Variants in SYAP1 observed in about 807,000 individuals in gnomAD.
SYAP1 encodes synapse associated protein 1, also known as synapse-associated protein 1.
Under a neutral mutation model 29.6 loss-of-function variants are expected in SYAP1, and 3 were observed. The ratio of observed to expected loss-of-function variants is 0.10; its 90% CI spans 0.05 to 0.26. SYAP1 has a LOEUF of 0.26. Ranked by LOEUF, SYAP1 falls within the 10% of genes least tolerant of loss-of-function variation. SYAP1 has a pLI of 1.00. For missense variants in SYAP1, 217 were observed against 264.1 expected, an observed-to-expected ratio of 0.82 and a Z score of 1.24; for synonymous variants, 102 against 102.7, an observed-to-expected ratio of 0.99 and a Z score of 0.04.
chrX:16,752,043 G>A (rs1005119276), intron 5 of SYAP1, among the ~76,000 whole-genome samples: 4 of 96,132 alleles, frequency 4.2e-5, no homozygotes, highest in East Asian at 6.5e-4. Flanking sequence ...GCAGTGGTGC[G>A]ATCTTGGCTC....
chrX:16,754,620 C>G (rs761079192), intron 5 of SYAP1, among the ~76,000 whole-genome samples: 1 of 110,275 alleles, frequency 9.1e-6, no homozygotes, highest in Non-Finnish European at 1.9e-5. Context: ...CCCAGCAACT[C>G]GGGAGGCTGA....
chrX:16,757,101 A>C, intron 7 of SYAP1, 61 bp from the exon 8 acceptor site: 1 of 1,167,613 alleles, frequency 8.6e-7, no homozygotes. Flanking sequence ...ACAATAGCAA[A>C]CCAGAATAAC....
intron 4 of SYAP1, 124 bp from the exon 5 acceptor site, chrX:16,743,577 T>G (rs1302010468): frequency 1.7e-6 from 1 of 591,686 alleles, no homozygotes; most frequent in Non-Finnish European, 2.5e-6. Flanking sequence ...GAGGTTGCAG[T>G]GAGCCGAGAT....
At position 16,735,364 on chromosome X, in the gene SYAP1, T is replaced by C; in HGVS notation, c.294+19T>C. 1.0e-6 allele frequency: 1 copy of C among 1,003,424 alleles called. No homozygotes were observed. The highest frequency in any genetic ancestry group is 1.4e-6 in the Non-Finnish European group (1 of 726,117). 82.7% of individuals were successfully genotyped at this position (1,003,424 alleles called of 1,213,427 possible). A position where few individuals can be genotyped will look rare whatever the true frequency, so the allele number is the denominator to read the frequency against. On this transcript the variant is annotated intron_variant, in intron 2 of 8. Transcript: ENST00000380155. The stretch of plus-strand genomic sequence containing the variant: ...TGACAAGGTATATTCAATTATCTTT[T>C]GGAAGTAGAAATGTATGAAATTCAT...
intron 5 of SYAP1, among the ~76,000 whole-genome samples, chrX:16,745,815 G>A (rs966450946): frequency 4.6e-5 from 5 of 109,388 alleles, no homozygotes; most frequent in Non-Finnish European, 9.5e-5. Flanking sequence ...CCTTGACAGC[G>A]TCCACTGTCC....
chrX:16,751,980 T>G (rs1487255277), intron 5 of SYAP1, among the ~76,000 whole-genome samples: 1 of 92,450 alleles, frequency 1.1e-5, no homozygotes, highest in Non-Finnish European at 2.1e-5. Context: ...CCGGCCTTTT[T>G]TTTTTTTTTT....
intron 8 of SYAP1, among the ~76,000 whole-genome samples, 156 bp from the exon 9 acceptor site, chrX:16,760,076 T>G (rs913677243): frequency 7.1e-5 from 8 of 112,622 alleles, no homozygotes; most frequent in Non-Finnish European, 1.5e-4. Context: ...CTGTTAAAAT[T>G]TACTGAGTTT....
At chrX:16,754,626 G>C (rs1190963357) in intron 5 of SYAP1, among the ~76,000 whole-genome samples, 1 of 110,567 alleles carries the variant, frequency 9.0e-6, no homozygotes, top group Non-Finnish European at 1.9e-5. Flanking sequence ...AACTCGGGAG[G>C]CTGAGGCAAG....
At chrX:16,756,541 C>A in intron 6 of SYAP1, 122 bp from the exon 7 acceptor site, 1 of 600,824 alleles carries the variant, frequency 1.7e-6, no homozygotes, top group Non-Finnish European at 2.6e-6. Flanking sequence ...GAAAGCATAA[C>A]ATAAAAATTC....
At chrX:16,722,076 G>A (rs932957585) in intron 1 of SYAP1, among the ~76,000 whole-genome samples, 54 of 111,357 alleles carry the variant, frequency 4.8e-4, no homozygotes, top group African/African-American at 1.7e-3. Flanking sequence ...TACAAACTGT[G>A]AGAGACAAGA....
chrX:16,738,685 A>G (rs1163779058), intron 3 of SYAP1, among the ~76,000 whole-genome samples: 1 of 111,409 alleles, frequency 9.0e-6, no homozygotes, highest in Non-Finnish European at 1.9e-5. Flanking sequence ...AAAAGAAAAT[A>G]AAAACAGTGC....
At chrX:16,732,462 C>T (rs1057499553) in intron 1 of SYAP1, among the ~76,000 whole-genome samples, 5 of 105,899 alleles carry the variant, frequency 4.7e-5, no homozygotes, top group Non-Finnish European at 7.7e-5. Context: ...TTAGTAGAGA[C>T]GGGGTTTCAC....
chrX:16,751,975 C>CTTT lies in SYAP1; in HGVS notation c.576-2948_576-2946dup, dbSNP rs773120810. Among the ~76,000 whole-genome samples, 210 of 56,647 alleles carry CTTT rather than the reference C, an allele frequency of 3.7e-3. 7 individuals carry two copies. Among genetic ancestry groups the CTTT allele is most frequent in the Middle Eastern group, 0.016 (1 of 61 alleles). The allele number at this position is 56,647 out of a possible 115,157, so 49.2% of individuals were successfully genotyped here. A position where few individuals can be genotyped will look rare whatever the true frequency, so the allele number is the denominator to read the frequency against. On this transcript the variant is annotated intron_variant, in intron 5 of 8. Coordinates refer to ENST00000380155, the MANE Select transcript of SYAP1 (RefSeq NM_032796.4). The stretch of plus-strand genomic sequence containing the variant: ...ACAGGCATGAGCCACTGCACCCGGC[C>CTTT]TTTTTTTTTTTTTTTTTTTTTTTTG...
intron 3 of SYAP1, among the ~76,000 whole-genome samples, chrX:16,741,199 T>C (rs4830561): frequency 9.2e-6 from 1 of 109,104 alleles, no homozygotes. Context: ...GAGTTTTTTG[T>C]TTTTTGTTTT....
At position 16,741,841 on chromosome X, in the gene SYAP1, T is replaced by C. The variant is rs1355001558; in HGVS notation, c.435+52T>C. 20 of 870,508 alleles carry C rather than the reference T, an allele frequency of 2.3e-5. No homozygotes were observed. In the East Asian group the frequency reaches 6.0e-4, roughly 26 times the overall value. The allele number at this position is 870,508 out of a possible 1,213,427, so 71.7% of individuals were successfully genotyped here. ...GAACATACTTTCTTCTGTCATGATA[T>C]ATCTCTGTTGATGTGACTTTAGTAG... On this transcript the variant is annotated intron_variant, in intron 4 of 8. Coordinates refer to ENST00000380155, the MANE Select transcript of SYAP1 (RefSeq NM_032796.4).
chrX:16,724,375 G>A (rs910041171), intron 1 of SYAP1, among the ~76,000 whole-genome samples: 4 of 111,669 alleles, frequency 3.6e-5, no homozygotes, highest in Non-Finnish European at 7.5e-5. Flanking sequence ...CAAGGAAAGC[G>A]GGAGTTCAGC....
chrX:16,759,828 C>T (rs1480246000), intron 8 of SYAP1, among the ~76,000 whole-genome samples: 1 of 112,363 alleles, frequency 8.9e-6, no homozygotes, highest in East Asian at 2.8e-4. Context: ...GCAGTTGGGC[C>T]AGTGCCCAGC....
At chrX:16,738,040 G>A (rs1926367883) in intron 3 of SYAP1, among the ~76,000 whole-genome samples, 1 of 111,778 alleles carries the variant, frequency 8.9e-6, no homozygotes, top group Non-Finnish European at 1.9e-5. Flanking sequence ...ACAGTGTTTA[G>A]GGAGGGGAAG....
At position 16,761,033 on chromosome X, in the gene SYAP1, C is replaced by G. The variant is rs563038610; in HGVS notation, c.*674C>G. 3.6e-5 allele frequency: 4 copies of G among 109,897 alleles called. No individual in the cohort carries two copies. The highest frequency in any genetic ancestry group is 9.9e-5 in the African/African-American group (3 of 30,254). The allele number at this position is 109,897 out of a possible 1,213,427, so 9.1% of individuals were successfully genotyped here. A position where few individuals can be genotyped will look rare whatever the true frequency, so the allele number is the denominator to read the frequency against. The stretch of plus-strand genomic sequence containing the variant: ...CGGAGGTCAGGAGTTCGAGACCAGC[C>G]TTGCCAACATAGTGAAACCCTGTCT... On this transcript the variant is annotated 3_prime_UTR_variant, in exon 9 of 9. Coordinates refer to ENST00000380155, the MANE Select transcript of SYAP1 (RefSeq NM_032796.4).
Sources: allele counts gnomAD v4.1 joint callset (sites outside exome capture counted in the v4.1 genomes callset), GRCh38; gene constraint gnomAD v4.1.1; transcripts MANE v1.5; gene names NCBI Gene and HGNC (gene_info 2026-07-23, HGNC 2026-07-21).